SLC71A1: variants seen among roughly 807,000 people sequenced by gnomAD.
The protein encoded by SLC71A1 is solute carrier family 71 member 1, also known as hippocampus abundant gene transcript 1.
the SLC71A1 span, chr1:100,083,292 C>G: frequency 1.3e-5 from 2 of 152,416 alleles, no homozygotes; most frequent in African/African-American, 4.8e-5. Context: ...ACTTGGAACA[C>G]TCACTATGGT....
the SLC71A1 span, among the ~76,000 whole-genome samples, chr1:100,073,941 A>G: frequency 6.6e-6 from 1 of 152,218 alleles, no homozygotes; most frequent in African/African-American, 2.4e-5. Flanking sequence ...TTGTTCCATT[A>G]TTATTAATAT....
At chr1:100,072,594 AC>A in the SLC71A1 span, among the ~76,000 whole-genome samples, 7 of 151,612 alleles carry the variant, frequency 4.6e-5, no homozygotes, top group African/African-American at 1.7e-4. Context: ...AAAAAAAAAA[AC>A]TTAAAAAATT....
chr1:100,066,785 C>T, the SLC71A1 span, among the ~76,000 whole-genome samples: 4 of 151,944 alleles, frequency 2.6e-5, no homozygotes, highest in East Asian at 1.9e-4. Context: ...GTCAGGAGAT[C>T]GAGACCATCT....
chr1:100,070,466 T>C, the SLC71A1 span, among the ~76,000 whole-genome samples: 1 of 152,098 alleles, frequency 6.6e-6, no homozygotes, highest in African/African-American at 2.4e-5. Context: ...TCATAAGACT[T>C]GAGTAAGATA....
chr1:100,045,756 G>A, the SLC71A1 span, among the ~76,000 whole-genome samples: 17 of 151,344 alleles, frequency 1.1e-4, no homozygotes, highest in Admixed American at 8.5e-4. Flanking sequence ...TGTCGCCCAG[G>A]CGACATACAT....
At chr1:100,066,639 G>A in the SLC71A1 span, among the ~76,000 whole-genome samples, 1 of 152,208 alleles carries the variant, frequency 6.6e-6, no homozygotes, top group Non-Finnish European at 1.5e-5. Flanking sequence ...TGGCAGTCAA[G>A]GAGGGGTGTT....
chr1:100,067,829 GAAA>G, the SLC71A1 span: 1 of 683,564 alleles, frequency 1.5e-6, no homozygotes, highest in Admixed American at 2.7e-5. Flanking sequence ...GCCCCCACAA[GAAA>G]AAAAGATAAA....
At chr1:100,067,916 TATGTG>T in the SLC71A1 span, 1 of 1,232,286 alleles carries the variant, frequency 8.1e-7, no homozygotes, top group Non-Finnish European at 1.2e-6. Context: ...TGAAAGGAGT[TATGTG>T]GTGTTGAGGA....
the SLC71A1 span, among the ~76,000 whole-genome samples, chr1:100,040,803 CTGTT>C: frequency 2.6e-5 from 4 of 152,094 alleles, no homozygotes; most frequent in Non-Finnish European, 5.9e-5. Flanking sequence ...ATTTGATACT[CTGTT>C]GTTGTGTGTT....
chr1:100,067,884 G>A, the SLC71A1 span: 9 of 968,928 alleles, frequency 9.3e-6, no homozygotes, highest in South Asian at 1.4e-5. Context: ...TGCAACAGAA[G>A]GCCTGACATA....
At chr1:100,060,966 ATCT>A in the SLC71A1 span, among the ~76,000 whole-genome samples, 1 of 152,146 alleles carries the variant, frequency 6.6e-6, no homozygotes, top group African/African-American at 2.4e-5. Context: ...ATGGGGCAGG[ATCT>A]TCTTCTTGTA....
the SLC71A1 span, among the ~76,000 whole-genome samples, chr1:100,052,588 T>C: frequency 6.6e-6 from 1 of 151,348 alleles, no homozygotes; most frequent in South Asian, 2.1e-4. Flanking sequence ...CATGCCACCA[T>C]GCCCAGCTAA....
chr1:100,060,809 G>C, the SLC71A1 span, among the ~76,000 whole-genome samples: 1 of 151,406 alleles, frequency 6.6e-6, no homozygotes. Flanking sequence ...GGGAATAATT[G>C]TCCTAAAGTC....
the SLC71A1 span, chr1:100,077,340 T>A: frequency 1.2e-6 from 1 of 846,910 alleles, no homozygotes; most frequent in Non-Finnish European, 1.9e-6. Flanking sequence ...TGTTTTTATT[T>A]GCTTCTCAAC....
the SLC71A1 span, among the ~76,000 whole-genome samples, chr1:100,078,078 T>C: frequency 3.0e-4 from 45 of 152,236 alleles, no homozygotes; most frequent in Non-Finnish European, 5.7e-4. Flanking sequence ...AATCCATCCA[T>C]AAGAACTTTG....
At chr1:100,075,448 GTAGT>G in the SLC71A1 span, among the ~76,000 whole-genome samples, 14 of 152,304 alleles carry the variant, frequency 9.2e-5, no homozygotes, top group African/African-American at 3.4e-4. Flanking sequence ...GTTCTTAAAA[GTAGT>G]TTCCCAGAAG....
the SLC71A1 span, among the ~76,000 whole-genome samples, chr1:100,055,442 A>G: frequency 1.3e-5 from 2 of 151,518 alleles, no homozygotes; most frequent in Non-Finnish European, 2.9e-5. Context: ...CTTTTTCCTA[A>G]TTATCACTTA....
the SLC71A1 span, among the ~76,000 whole-genome samples, chr1:100,050,384 G>T: frequency 6.6e-6 from 1 of 152,120 alleles, no homozygotes; most frequent in African/African-American, 2.4e-5. Context: ...ACAGGTTTCT[G>T]TTCATTTGGG....
At chr1:100,059,799 TC>T in the SLC71A1 span, 1 of 1,299,136 alleles carries the variant, frequency 7.7e-7, no homozygotes, top group Non-Finnish European at 1.0e-6. Context: ...TGAAAATTTT[TC>T]TATAGGAGTA....
Sources: allele counts gnomAD v4.1 joint callset (sites outside exome capture counted in the v4.1 genomes callset), GRCh38; gene constraint gnomAD v4.1.1; transcripts MANE v1.5; gene names NCBI Gene and HGNC (gene_info 2026-07-23, HGNC 2026-07-21).